The following PTER variants were observed in gnomAD, a reference collection of about 807,000 sequenced individuals.
The protein encoded by PTER is N-acetyltaurine hydrolase.
A neutral mutation model predicts 29.6 loss-of-function variants in PTER; 38 were observed. The observed-to-expected ratio is 1.28, with a 90% CI of 0.99 to 1.68. The LOEUF (loss-of-function observed/expected upper bound fraction) is 1.68, where lower values mean the gene tolerates loss of function less well. PTER is among the 40% of genes most tolerant of loss of function. The pLI is 0.00. For synonymous variants in PTER, 172 were observed against 154.5 expected (o/e 1.11, Z -0.84); for missense variants, 482 against 427.8 (o/e 1.13, Z -1.12).
At chr10:16,464,262 T>C (rs1335927386) in intron 1 of PTER, among the ~76,000 whole-genome samples, 3 of 152,224 alleles carry the variant, frequency 2.0e-5, no homozygotes, top group African/African-American at 7.2e-5. Flanking sequence ...CCTTGAGAGT[T>C]CAGAATTCAA....
At chr10:16,467,388 C>G (rs7068759) in intron 1 of PTER, among the ~76,000 whole-genome samples, 92,405 of 151,926 alleles carry the variant, frequency 0.61, 28,937 homozygotes, top group East Asian at 0.8. Context: ...TCCACTGGGG[C>G]CCCTGGAACA....
chr10:16,474,751 G>A (rs548804057), intron 1 of PTER, among the ~76,000 whole-genome samples: 2 of 152,198 alleles, frequency 1.3e-5, no homozygotes, highest in African/African-American at 4.8e-5. Context: ...GCTGGGCATG[G>A]TGGCGTGCAC....
At chr10:16,454,920 C>A (rs7092037) in intron 1 of PTER, among the ~76,000 whole-genome samples, 1 of 151,984 alleles carries the variant, frequency 6.6e-6, no homozygotes, top group Non-Finnish European at 1.5e-5. Context: ...GAAAACTGTA[C>A]GAAATAAGTT....
At chr10:16,479,738 T>C (rs888135742) in intron 1 of PTER, among the ~76,000 whole-genome samples, 1 of 152,042 alleles carries the variant, frequency 6.6e-6, no homozygotes. Flanking sequence ...TCTTGCCATC[T>C]ACACTGGTGT....
intron 1 of PTER, among the ~76,000 whole-genome samples, chr10:16,478,048 G>A (rs938624399): frequency 6.6e-6 from 1 of 152,154 alleles, no homozygotes; most frequent in African/African-American, 2.4e-5. Flanking sequence ...AAATAACTTG[G>A]TGTATGTTTC....
intron 1 of PTER, among the ~76,000 whole-genome samples, chr10:16,475,586 G>A (rs1835230316): frequency 6.6e-6 from 1 of 152,116 alleles, no homozygotes; most frequent in Non-Finnish European, 1.5e-5. Context: ...GTGATTCACC[G>A]ACCAGCTCTG....
intron 1 of PTER, among the ~76,000 whole-genome samples, chr10:16,476,662 C>T (rs1190105896): frequency 2.0e-5 from 3 of 152,036 alleles, no homozygotes; most frequent in East Asian, 1.9e-4. Flanking sequence ...GCCTCAACCT[C>T]GCAGGTTCAA....
chr10:16,480,666 TCCTAC>T (rs771827240), intron 1 of PTER, among the ~76,000 whole-genome samples: 1 of 152,272 alleles, frequency 6.6e-6, no homozygotes, highest in East Asian at 1.9e-4. Context: ...TCCTGGAAAG[TCCTAC>T]CCTCTGCAAT....
chr10:16,454,251 T>C (rs1477122231), intron 1 of PTER, among the ~76,000 whole-genome samples: 1 of 152,180 alleles, frequency 6.6e-6, no homozygotes, highest in East Asian at 1.9e-4. Flanking sequence ...GCACAGAACA[T>C]ACTTTATAAC....
chr10:16,502,335 TC>T (rs2133496063), intron 3 of PTER, among the ~76,000 whole-genome samples: 1 of 152,266 alleles, frequency 6.6e-6, no homozygotes, highest in East Asian at 1.9e-4. Context: ...CAAGTATGGT[TC>T]TTTGGGGAAA....
rs145190870 is a variant in PTER, at chr10:16,484,449, G to A, written c.65G>A (p.Arg22His). 35 of 1,613,762 alleles carry A rather than the reference G, an allele frequency of 2.2e-5. No individual in the cohort carries two copies. The highest frequency in any genetic ancestry group is 1.0e-4 in the Admixed American group (6 of 59,964). The change falls in exon 2 of 5, where the codon CGT (arginine) becomes CAT (histidine). Residue 22 changes from arginine (R) to histidine (H), a missense_variant. Arg to His is a conservative substitution (Grantham distance 29). Coordinates refer to ENST00000535784, the MANE Select transcript of PTER (RefSeq NM_001261836.2). ...CTTGTAGAGCCAAGCAAACTGGGCC[G>A]TACCCTGACCCATGAACACCTGGCC... ...LGLVEPSKLG[R>H]TLTHEHLAMT... is the part of the protein sequence containing the mutation.
chr10:16,438,036 C>A (rs986571881), intron 1 of PTER, among the ~76,000 whole-genome samples: 2 of 152,156 alleles, frequency 1.3e-5, no homozygotes, highest in Non-Finnish European at 2.9e-5. Flanking sequence ...AAGACAGAGT[C>A]TCGCCCTTGC....
At chr10:16,487,732 G>A (rs12098359) in intron 3 of PTER, among the ~76,000 whole-genome samples, 2,187 of 152,284 alleles carry the variant, frequency 0.014, 46 homozygotes, top group African/African-American at 0.05. Context: ...TTAGCCTTCA[G>A]TTGAATTTAT....
chr10:16,485,162 T>A (rs1476965721), intron 2 of PTER, among the ~76,000 whole-genome samples: 1 of 152,218 alleles, frequency 6.6e-6, no homozygotes, highest in African/African-American at 2.4e-5. Flanking sequence ...TAAACCTCAC[T>A]TTTCCATCTT....
chr10:16,478,525 G>C (rs1219893661), intron 1 of PTER, among the ~76,000 whole-genome samples: 1 of 151,842 alleles, frequency 6.6e-6, no homozygotes, highest in African/African-American at 2.4e-5. Flanking sequence ...GTGGAGACGG[G>C]GTTTTACTAT....
intron 3 of PTER, among the ~76,000 whole-genome samples, chr10:16,502,988 C>CAAA (rs61446204): frequency 3.1e-4 from 13 of 41,336 alleles, no homozygotes; most frequent in South Asian, 2.5e-3. Flanking sequence ...GACTCTGTCT[C>CAAA]AAAAAAAAAA....
chr10:16,468,253 A>G (rs1467746029), intron 1 of PTER, among the ~76,000 whole-genome samples: 1 of 152,162 alleles, frequency 6.6e-6, no homozygotes. Flanking sequence ...GAGGCAGGAG[A>G]ATCACTTGAA....
chr10:16,461,461 G>A (rs900608032), intron 1 of PTER, among the ~76,000 whole-genome samples: 1 of 152,094 alleles, frequency 6.6e-6, no homozygotes, highest in Non-Finnish European at 1.5e-5. Flanking sequence ...CCATCTCAAA[G>A]ACCAGGAAAG....
chr10:16,480,369 T>C (rs1835434286), intron 1 of PTER, among the ~76,000 whole-genome samples: 1 of 151,850 alleles, frequency 6.6e-6, no homozygotes, highest in Non-Finnish European at 1.5e-5. Context: ...CTAATTTTTG[T>C]ATTTTTTATA....
Sources: allele counts gnomAD v4.1 joint callset (sites outside exome capture counted in the v4.1 genomes callset), GRCh38; gene constraint gnomAD v4.1.1; transcripts MANE v1.5; gene names NCBI Gene and HGNC (gene_info 2026-07-23, HGNC 2026-07-21).